The following CASP8 variants were observed in gnomAD, a reference collection of about 807,000 sequenced individuals.
CASP8 encodes caspase 8, also known as caspase-8.
A neutral mutation model predicts 46.3 loss-of-function variants in CASP8; 24 were observed. The ratio of observed to expected loss-of-function variants is 0.52; its 90% confidence interval spans 0.38 to 0.73. The LOEUF (loss-of-function observed/expected upper bound fraction) is 0.73, where lower values mean the gene tolerates loss of function less well. CASP8 is among the 30% of genes least tolerant of loss of function. The probability of loss-of-function intolerance (pLI) is 0.00; values close to 1 mark genes in which losing one functional copy is unlikely to be tolerated. For missense variants in CASP8, 460 were observed against 559.0 expected (o/e 0.82, Z 1.79); for synonymous variants, 188 against 200.4 (o/e 0.94, Z 0.52).
At chr2:201,274,455 C>G (rs943847640) in intron 5 of CASP8, among the ~76,000 whole-genome samples, 1 of 152,238 alleles carries the variant, frequency 6.6e-6, no homozygotes, top group African/African-American at 2.4e-5. Context: ...ATATTCATGG[C>G]AGTCTGTGAA....
chr2:201,272,548 T>G lies in CASP8; in HGVS notation c.412-90T>G. ...TTGGGAAGCAAGGGCAGGTCCTTGG[T>G]TGGAGAAATTGGAAATTAAAAAAAA... On this transcript the variant is annotated intron_variant, in intron 3 of 8. Transcript: ENST00000673742. The surrounding 1 kb of genome is among the most constrained non-coding windows in gnomAD (Gnocchi z 4.4). The G allele has an allele frequency of 6.9e-7, 1 of 1,459,506 alleles. No individual in the cohort carries two copies. Among genetic ancestry groups the G allele is most frequent in the Non-Finnish European group, 9.5e-7 (1 of 1,050,964 alleles). 90.4% of individuals were successfully genotyped at this position (1,459,506 alleles called of 1,614,324 possible).
chr2:201,284,780 G>A (rs1330171687), intron 7 of CASP8, 36 bp from the exon 8 acceptor site: 1 of 1,578,444 alleles, frequency 6.3e-7, no homozygotes, highest in South Asian at 1.1e-5. Flanking sequence ...GTGAATTACT[G>A]TGGTATAACG....
At chr2:201,248,009 G>A (rs1289899833) in intron 2 of CASP8, among the ~76,000 whole-genome samples, 2 of 152,006 alleles carry the variant, frequency 1.3e-5, no homozygotes, top group South Asian at 2.1e-4. Context: ...TGGACTCCTG[G>A]CCTCAAGTGA....
intron 1 of CASP8, among the ~76,000 whole-genome samples, chr2:201,261,345 C>T (rs919152386): frequency 5.6e-5 from 8 of 143,038 alleles, no homozygotes; most frequent in East Asian, 2.0e-4. Context: ...GAGCCGAGAT[C>T]GTGCCACTGC....
chr2:201,275,451 T>G (rs34754255), intron 6 of CASP8, among the ~76,000 whole-genome samples: 5 of 152,226 alleles, frequency 3.3e-5, no homozygotes, highest in Admixed American at 2.6e-4. Context: ...GCATAATAAC[T>G]TCTCTTTATG....
chr2:201,266,194 G>C lies in CASP8; in HGVS notation c.-26-267G>C, dbSNP rs187924768. On this transcript the variant is annotated intron_variant, in intron 1 of 8. Transcript: ENST00000673742. The surrounding 1 kb of genome is among the most constrained non-coding windows in gnomAD (Gnocchi z 5.7). ...GGGGTTTCACCATGTTAGTCAGGCT[G>C]GTCTCAAACTCCTGACCTCGTGATC... is the stretch of plus-strand genomic sequence containing the variant. Among the ~76,000 whole-genome samples the C allele has an allele frequency of 1.3e-5, 2 of 152,270 alleles. No homozygotes were observed. The highest frequency in any genetic ancestry group is 1.9e-4 in the East Asian group (1 of 5,164).
intron 1 of CASP8, among the ~76,000 whole-genome samples, chr2:201,264,255 A>C (rs569187626): frequency 6.6e-6 from 1 of 152,274 alleles, no homozygotes; most frequent in African/African-American, 2.4e-5. Flanking sequence ...GAATAGCCTT[A>C]TATATGGTTT....
intron 2 of CASP8, among the ~76,000 whole-genome samples, chr2:201,235,283 T>C (rs1450903290): frequency 1.3e-5 from 2 of 152,200 alleles, no homozygotes; most frequent in Non-Finnish European, 2.9e-5. Context: ...GTTTCGGTGT[T>C]CTTATACTTG....
At chr2:201,258,277 A>C, upstream of CASP8, 1 of 1,613,710 alleles carries the variant, frequency 6.2e-7, no homozygotes, top group Admixed American at 1.7e-5. Flanking sequence ...AAGTAAAAGA[A>C]ACTTCTTCCT....
At chr2:201,245,249 T>C (rs566090342) in intron 2 of CASP8, among the ~76,000 whole-genome samples, 1 of 151,876 alleles carries the variant, frequency 6.6e-6, no homozygotes. Flanking sequence ...TTTATTTGTT[T>C]TTGTTTTTTT....
chr2:201,246,297 C>T (rs3820972), intron 2 of CASP8, among the ~76,000 whole-genome samples: 18 of 152,220 alleles, frequency 1.2e-4, no homozygotes, highest in African/African-American at 3.6e-4. Flanking sequence ...CTGGGTCCCC[C>T]GCCAGTCTGC....
intron 2 of CASP8, chr2:201,269,466 C>T (rs757197450): frequency 2.1e-5 from 29 of 1,382,618 alleles, no homozygotes; most frequent in South Asian, 6.0e-5. Context: ...CAAGGAAAGC[C>T]GAGGGGGGTC....
chr2:201,250,376 G>T (rs530045415), intron 2 of CASP8, among the ~76,000 whole-genome samples: 1 of 152,360 alleles, frequency 6.6e-6, no homozygotes, highest in South Asian at 2.1e-4. Flanking sequence ...ATAAAGAAAA[G>T]AGTTTTAATT....
At chr2:201,260,949 A>T (rs1947344390) in intron 1 of CASP8, among the ~76,000 whole-genome samples, 1 of 152,152 alleles carries the variant, frequency 6.6e-6, no homozygotes, top group Non-Finnish European at 1.5e-5. Context: ...TAGAAGCCAA[A>T]ATTTAAATCT....
At chr2:201,248,204 T>C (rs1470941827) in intron 2 of CASP8, among the ~76,000 whole-genome samples, 1 of 152,190 alleles carries the variant, frequency 6.6e-6, no homozygotes, top group Non-Finnish European at 1.5e-5. Context: ...AAGAAAAATA[T>C]CCAGAACAAT....
At chr2:201,236,456 G>C (rs1946049662) in intron 2 of CASP8, among the ~76,000 whole-genome samples, 1 of 152,090 alleles carries the variant, frequency 6.6e-6, no homozygotes, top group Admixed American at 6.5e-5. Context: ...TAACTCCCCA[G>C]GGGGAGAGTT....
intron 2 of CASP8, among the ~76,000 whole-genome samples, chr2:201,239,309 G>A (rs1007361273): frequency 3.9e-5 from 6 of 152,044 alleles, no homozygotes; most frequent in Middle Eastern, 3.2e-3. Context: ...GGTGGTGGCC[G>A]GGCAGAGGGG....
intron 7 of CASP8, chr2:201,277,651 T>C: frequency 2.5e-6 from 1 of 398,246 alleles, no homozygotes; most frequent in Non-Finnish European, 4.8e-6. Context: ...GTTTAGAAAA[T>C]TAATGTAGAC....
chr2:201,254,220 G>A (rs1201942249), intron 2 of CASP8, among the ~76,000 whole-genome samples: 1 of 152,184 alleles, frequency 6.6e-6, no homozygotes, highest in African/African-American at 2.4e-5. Flanking sequence ...AAAGCAGAAG[G>A]GGTAGGTATT....
Sources: gnomAD v4.1 joint callset for allele counts (sites outside exome capture counted in the v4.1 genomes callset) on GRCh38, gnomAD v4.1.1 for gene constraint, Gnocchi (gnomAD v3.1) non-coding constraint, MANE v1.5 for transcripts, NCBI Gene and HGNC (gene_info 2026-07-23, HGNC 2026-07-21) for gene names.